Variants in ANKS1B observed in about 807,000 individuals in gnomAD.
The protein encoded by ANKS1B is ankyrin repeat and sterile alpha motif domain-containing protein 1B.
ANKS1B carries 36 observed loss-of-function variants against 148.3 expected under a neutral mutation model. The observed-to-expected ratio is 0.24, with a 90% CI of 0.19 to 0.32. The LOEUF (loss-of-function observed/expected upper bound fraction) is 0.32, where lower values mean the gene tolerates loss of function less well. Among genes scored for constraint, ANKS1B ranks in the 10% least tolerant of loss-of-function variants. The pLI, the probability that ANKS1B is intolerant of heterozygous loss-of-function variation, is 1.00. For synonymous variants in ANKS1B, 542 were observed against 560.8 expected, an observed-to-expected ratio of 0.97 and a Z score of 0.47; for missense variants, 1,157 against 1,542.6, an observed-to-expected ratio of 0.75 and a Z score of 4.19.
chr12:99,462,784 G>T (rs2096005419), intron 10 of ANKS1B, among the ~76,000 whole-genome samples: 1 of 152,342 alleles, frequency 6.6e-6, no homozygotes, highest in African/African-American at 2.4e-5. Flanking sequence ...GATCCCTCAT[G>T]AATGGCCTGG....
intron 17 of ANKS1B, among the ~76,000 whole-genome samples, chr12:99,033,092 T>C (rs189406317): frequency 7.2e-5 from 11 of 152,332 alleles, no homozygotes; most frequent in African/African-American, 2.6e-4. Context: ...CAATGGTTTT[T>C]AACCCTGTTA....
chr12:99,283,761 T>C (rs970542301), intron 12 of ANKS1B, among the ~76,000 whole-genome samples: 1 of 152,248 alleles, frequency 6.6e-6, no homozygotes, highest in Admixed American at 6.5e-5. Context: ...TTTATGCACA[T>C]GTAGTTTCTT....
intron 4 of ANKS1B, among the ~76,000 whole-genome samples, chr12:99,791,317 AC>A (rs1373576424): frequency 6.6e-6 from 1 of 152,092 alleles, no homozygotes; most frequent in African/African-American, 2.4e-5. Context: ...AGACCTAAAT[AC>A]AATAATAGCT....
At chr12:99,364,932 CATT>C (rs1240723208) in intron 12 of ANKS1B, among the ~76,000 whole-genome samples, 1 of 152,178 alleles carries the variant, frequency 6.6e-6, no homozygotes, top group African/African-American at 2.4e-5. Context: ...GTCCATTGTT[CATT>C]CAGCATGGCT....
At chr12:98,804,661 C>T (rs1244994088) in intron 20 of ANKS1B, among the ~76,000 whole-genome samples, 2 of 152,118 alleles carry the variant, frequency 1.3e-5, no homozygotes, top group African/African-American at 4.8e-5. Context: ...CTCAACCCTC[C>T]TGGAGGCTGA....
chr12:99,025,400 A>C (rs1385538828), intron 17 of ANKS1B, among the ~76,000 whole-genome samples: 1 of 152,220 alleles, frequency 6.6e-6, no homozygotes, highest in Admixed American at 6.5e-5. Context: ...CATTTGAAAG[A>C]ATCACATTTG....
At chr12:99,210,855 A>G (rs1389463323) in intron 14 of ANKS1B, among the ~76,000 whole-genome samples, 1 of 152,218 alleles carries the variant, frequency 6.6e-6, no homozygotes, top group Non-Finnish European at 1.5e-5. Flanking sequence ...TTCAGAAACT[A>G]TTTGTGAGGA....
intron 12 of ANKS1B, among the ~76,000 whole-genome samples, chr12:99,321,320 A>T (rs2085225839): frequency 6.6e-6 from 1 of 152,212 alleles, no homozygotes; most frequent in African/African-American, 2.4e-5. Flanking sequence ...CCACAGAGGC[A>T]GGCAGGCCAC....
chr12:98,751,286 G>A lies in ANKS1B; in HGVS notation c.3747+69C>T, dbSNP rs1392266396. 11 of 1,514,264 alleles carry A rather than the reference G, an allele frequency of 7.3e-6. No individual in the cohort carries two copies. In the East Asian group the frequency reaches 2.3e-4, roughly 32 times the overall value. 93.8% of individuals were successfully genotyped at this position (1,514,264 alleles called of 1,614,324 possible). ...TTCTAATGGCACCCACACCACACAA[G>A]GGCCTGGTTAGCAGCCCCTTTTCCT... On this transcript the variant is annotated intron_variant, in intron 26 of 26. Transcript: ENST00000683438. The surrounding 1 kb of genome is among the most constrained non-coding windows in gnomAD (Gnocchi z 4.3).
At chr12:99,675,180 T>C (rs2098556520) in intron 8 of ANKS1B, among the ~76,000 whole-genome samples, 1 of 152,014 alleles carries the variant, frequency 6.6e-6, no homozygotes, top group Admixed American at 6.6e-5. Flanking sequence ...GTGTAAAGAA[T>C]CTTTAAAAAG....
chr12:99,393,016 C>T (rs2094127037), intron 12 of ANKS1B, among the ~76,000 whole-genome samples: 1 of 152,070 alleles, frequency 6.6e-6, no homozygotes, highest in Non-Finnish European at 1.5e-5. Flanking sequence ...CAACTTTGGT[C>T]CCTTTTATTT....
At chr12:99,683,289 T>C (rs148589559) in intron 8 of ANKS1B, among the ~76,000 whole-genome samples, 7 of 151,844 alleles carry the variant, frequency 4.6e-5, no homozygotes, top group Non-Finnish European at 1.0e-4. Context: ...AGAAATGAAA[T>C]GGGAGATATT....
At chr12:99,842,884 T>C (rs1002082247) in intron 1 of ANKS1B, among the ~76,000 whole-genome samples, 2 of 152,188 alleles carry the variant, frequency 1.3e-5, no homozygotes, top group African/African-American at 4.8e-5. Flanking sequence ...TTCAAGCTTA[T>C]TAATTGCATA....
At chr12:99,153,611 C>G (rs944371607) in intron 15 of ANKS1B, among the ~76,000 whole-genome samples, 2 of 152,112 alleles carry the variant, frequency 1.3e-5, no homozygotes, top group African/African-American at 4.8e-5. Context: ...GCATGTAGAC[C>G]AGAATTCAGA....
chr12:99,779,745 GA>G (rs1415088897), intron 6 of ANKS1B, 125 bp downstream of exon 6: 31 of 683,362 alleles, frequency 4.5e-5, no homozygotes, highest in Non-Finnish European at 6.7e-5. Context: ...AAGTCTACCA[GA>G]AAAAAATAAA....
intron 14 of ANKS1B, among the ~76,000 whole-genome samples, chr12:99,241,584 A>G (rs1390340630): frequency 2.0e-5 from 3 of 152,236 alleles, no homozygotes; most frequent in Non-Finnish European, 4.4e-5. Context: ...AGCCTGGCAG[A>G]GACACAACAA....
intron 12 of ANKS1B, among the ~76,000 whole-genome samples, chr12:99,269,518 T>G (rs79631756): frequency 3.4e-5 from 5 of 145,994 alleles, no homozygotes; most frequent in Non-Finnish European, 6.0e-5. Context: ...TTTTTTTTTT[T>G]GGTCACACGT....
chr12:99,070,082 C>G (rs1056032178), intron 16 of ANKS1B, among the ~76,000 whole-genome samples: 1 of 152,146 alleles, frequency 6.6e-6, no homozygotes. Flanking sequence ...TAGTGCCTGG[C>G]ACGTAGGCAA....
intron 12 of ANKS1B, among the ~76,000 whole-genome samples, chr12:99,353,751 C>T (rs571947753): frequency 2.2e-4 from 33 of 151,728 alleles, no homozygotes; most frequent in Non-Finnish European, 4.1e-4. Flanking sequence ...CACTAGCTCA[C>T]TGCTTTCTTC....
Sources: allele counts gnomAD v4.1 joint callset (sites outside exome capture counted in the v4.1 genomes callset), GRCh38; gene constraint gnomAD v4.1.1; non-coding constraint Gnocchi (gnomAD v3.1); transcripts MANE v1.5; gene names NCBI Gene and HGNC (gene_info 2026-07-23, HGNC 2026-07-21).